The following SLC22A25 variants were observed in gnomAD, a reference collection of about 807,000 sequenced individuals.
The protein encoded by SLC22A25 is MGI:2442751, MGI:2385316, MGI:3042283, MGI:3645714, MGI:3605624, MGI:2442750.
A neutral mutation model predicts 45.9 loss-of-function variants in SLC22A25; 44 were observed. The observed-to-expected ratio is 0.96, with a 90% CI of 0.75 to 1.23. SLC22A25 has a LOEUF of 1.23. SLC22A25 is among the 50% of genes most tolerant of loss of function. SLC22A25 has a pLI of 0.00. For synonymous variants in SLC22A25, 283 were observed against 238.6 expected, an observed-to-expected ratio of 1.19 and a Z score of -1.72; for missense variants, 800 against 666.4, an observed-to-expected ratio of 1.20 and a Z score of -2.21.
intron 5 of SLC22A25, chr11:63,218,143 G>C: frequency 2.2e-6 from 1 of 454,584 alleles, no homozygotes; most frequent in South Asian, 1.6e-5. Flanking sequence ...CCCACCAATG[G>C]TAGACTGGAA....
intron 5 of SLC22A25, among the ~76,000 whole-genome samples, chr11:63,225,530 G>A (rs2089943871): frequency 6.6e-6 from 1 of 152,098 alleles, no homozygotes; most frequent in Admixed American, 6.5e-5. Context: ...GATGTTATTT[G>A]TTTCTTTTCT....
Position 63,163,796 on chromosome 11 carries a change from A to G in SLC22A25, c.*28T>C. On this transcript the variant is annotated 3_prime_UTR_variant, in exon 12 of 12. Transcript: ENST00000306494. ...CCTTTTTGGGGGATGGTAGCCCTAA[A>G]TGGTGTTTTGCTTTCCTCAGCACAG... The G allele has an allele frequency of 6.3e-7, 1 of 1,583,644 alleles. No homozygotes were observed. Among genetic ancestry groups the G allele is most frequent in the Non-Finnish European group, 8.6e-7 (1 of 1,166,586 alleles).
At chr11:63,219,882 TTTTAAGTGTTAC>T (rs1436007778) in intron 5 of SLC22A25, 1 of 1,272,176 alleles carries the variant, frequency 7.9e-7, no homozygotes, top group African/African-American at 1.5e-5. Context: ...CTCTCAACTC[TTTTAAGTGTTAC>T]TTTTACTGTC....
chr11:63,226,133 T>G (rs934195875), intron 5 of SLC22A25, among the ~76,000 whole-genome samples: 5 of 152,196 alleles, frequency 3.3e-5, no homozygotes, highest in African/African-American at 1.2e-4. Context: ...TCTCCAATAT[T>G]GGTCCCTGGT....
intron 3 of SLC22A25, among the ~76,000 whole-genome samples, chr11:63,230,912 G>C (rs1211125166): frequency 3.3e-5 from 5 of 151,334 alleles, no homozygotes; most frequent in Admixed American, 6.6e-5. Context: ...TTGGTTTTTT[G>C]TCCTTGAGAT....
rs563426557 is a variant in SLC22A25, at chr11:63,163,291, C to A, written c.*533G>T. ...TCATTCTTCATTACTTAAAAAATTC[C>A]TTTACTTATCACTTCTTTTCCCCTT... On this transcript the variant is annotated 3_prime_UTR_variant, in exon 12 of 12. Coordinates refer to ENST00000306494, the MANE Select transcript of SLC22A25 (RefSeq NM_199352.6). Among the ~76,000 whole-genome samples the A allele has an allele frequency of 2.6e-5, 4 of 152,304 alleles. No homozygotes were observed. The East Asian group carries it at 7.7e-4, about 29-fold the overall frequency.
chr11:63,182,904 C>G (rs1352063019), intron 8 of SLC22A25, among the ~76,000 whole-genome samples: 1 of 152,064 alleles, frequency 6.6e-6, no homozygotes, highest in Non-Finnish European at 1.5e-5. Flanking sequence ...AACATTCTTT[C>G]TATACTTTTA....
At chr11:63,199,806 G>A (rs1806663826) in intron 7 of SLC22A25, among the ~76,000 whole-genome samples, 1 of 134,816 alleles carries the variant, frequency 7.4e-6, no homozygotes, top group Non-Finnish European at 1.6e-5. Flanking sequence ...GGCGACGTCC[G>A]AGAAGATTGT....
chr11:63,213,311 A>C (rs1016895769), intron 7 of SLC22A25, among the ~76,000 whole-genome samples: 1 of 152,244 alleles, frequency 6.6e-6, no homozygotes, highest in African/African-American at 2.4e-5. Flanking sequence ...AGGCCCCAGC[A>C]CTTGGGTTGC....
chr11:63,243,341 G>A (rs577156090), intron 1 of SLC22A25, 93 bp downstream of exon 1: 8 of 542,292 alleles, frequency 1.5e-5, no homozygotes, highest in African/African-American at 1.3e-4. Flanking sequence ...GGATGGAAAA[G>A]CACCTTTACT....
At chr11:63,193,864 C>T (rs1308090364) in intron 7 of SLC22A25, among the ~76,000 whole-genome samples, 1 of 152,118 alleles carries the variant, frequency 6.6e-6, no homozygotes, top group Non-Finnish European at 1.5e-5. Flanking sequence ...ACAAACTTCT[C>T]TGAGCTAAAG....
chr11:63,166,057 TATG>T lies in SLC22A25; in HGVS notation c.1269_1271del (p.Ile424del), dbSNP rs765965379. ...AACTTTTCTCACCTTGAGGCACAAA[TATG>T]ATGGCCAGAAGGCAGGTTGCCAGTA... On this transcript the variant is annotated inframe_deletion, in exon 10 of 12. Transcript: ENST00000306494. The T allele has an allele frequency of 1.9e-6, 3 of 1,613,830 alleles. No individual in the cohort carries two copies. Among genetic ancestry groups the T allele is most frequent in the South Asian group, 1.1e-5 (1 of 91,062 alleles).
In SLC22A25 at chr11:63,158,941, T is replaced by G. The variant is rs962226513; in HGVS notation, c.*4883A>C. On this transcript the variant is annotated 3_prime_UTR_variant, in exon 12 of 12. Transcript: ENST00000306494. ...TCAGCCTCTGGTAATCATCCTTCTCTCTCTATGTCTATGAGTTCAATTGTT... is the reference window on the plus strand; with the variant it reads ...TCAGCCTCTGGTAATCATCCTTCTCGCTCTATGTCTATGAGTTCAATTGTT... 3.9e-5 allele frequency among the ~76,000 whole-genome samples: 6 copies of G among 152,148 alleles called. No individual in the cohort carries two copies. The highest frequency in any genetic ancestry group is 7.4e-5 in the Non-Finnish European group (5 of 68,026).
At chr11:63,234,475 T>G (rs1482560965) in intron 3 of SLC22A25, among the ~76,000 whole-genome samples, 2 of 152,174 alleles carry the variant, frequency 1.3e-5, no homozygotes, top group African/African-American at 4.8e-5. Flanking sequence ...CCTTTTTTTG[T>G]TTTCCATTTG....
chr11:63,186,908 C>G (rs1045243523), intron 7 of SLC22A25, among the ~76,000 whole-genome samples: 29 of 152,206 alleles, frequency 1.9e-4, no homozygotes, highest in Admixed American at 1.8e-3. Context: ...GTCTATATCT[C>G]TGTTTTGGTA....
intron 9 of SLC22A25, among the ~76,000 whole-genome samples, chr11:63,175,593 C>A (rs551040143): frequency 6.6e-6 from 1 of 152,102 alleles, no homozygotes; most frequent in South Asian, 2.1e-4. Context: ...TGTGCAGAAG[C>A]TTTCTAGTTT....
At chr11:63,192,723 A>G (rs994119560) in intron 7 of SLC22A25, among the ~76,000 whole-genome samples, 7 of 152,196 alleles carry the variant, frequency 4.6e-5, no homozygotes, top group Admixed American at 4.6e-4. Context: ...AAACCAACAA[A>G]CATGAAATAG....
intron 7 of SLC22A25, among the ~76,000 whole-genome samples, chr11:63,194,645 A>G (rs1000376355): frequency 2.6e-5 from 4 of 152,032 alleles, no homozygotes; most frequent in Non-Finnish European, 4.4e-5. Flanking sequence ...CTAGGAAGAA[A>G]CTGCATCAAC....
At position 63,238,707 on chromosome 11, in the gene SLC22A25, G is replaced by T. The variant is rs113095590; in HGVS notation, c.-577+10C>A. 1.4e-3 allele frequency: 262 copies of T among 190,714 alleles called. 2 individuals are homozygous for T. Among genetic ancestry groups the T allele is most frequent in the African/African-American group, 5.1e-3 (217 of 42,908 alleles). The allele number at this position is 190,714 out of a possible 1,614,324, so 11.8% of individuals were successfully genotyped here. ...AGTTGTGTATGTAGGAGGAAATTGG[G>T]GCCTCTTACCCAGTCACGATGGTGG... On this transcript the variant is annotated intron_variant, in intron 2 of 11. Coordinates refer to ENST00000306494, the MANE Select transcript of SLC22A25 (RefSeq NM_199352.6).
Sources: gnomAD v4.1 joint callset for allele counts (sites outside exome capture counted in the v4.1 genomes callset) on GRCh38, gnomAD v4.1.1 for gene constraint, MANE v1.5 for transcripts, NCBI Gene and HGNC (gene_info 2026-07-23, HGNC 2026-07-21) for gene names.